Variants in MAF observed in about 807,000 individuals in gnomAD.
MAF encodes transcription factor Maf.
MAF carries 10 observed loss-of-function variants against 22.0 expected under a neutral mutation model. The observed-to-expected ratio is 0.45, with a 90% CI of 0.28 to 0.77. The LOEUF is 0.77. Among genes scored for constraint, MAF ranks in the 30% least tolerant of loss-of-function variants. The pLI, the probability that MAF is intolerant of heterozygous loss-of-function variation, is 0.12. For synonymous variants in MAF, 337 were observed against 255.8 expected, an observed-to-expected ratio of 1.32 and a Z score of -3.03; for missense variants, 544 against 548.4, an observed-to-expected ratio of 0.99 and a Z score of 0.08.
At chr16:79,537,608 T>C in the MAF span, among the ~76,000 whole-genome samples, 1 of 152,120 alleles carries the variant, frequency 6.6e-6, no homozygotes, top group Admixed American at 6.6e-5. Context: ...CTTTACCCCA[T>C]CAGTCTTTTT....
downstream of MAF, among the ~76,000 whole-genome samples, chr16:79,582,377 T>C (rs1422581226): frequency 1.3e-5 from 2 of 152,252 alleles, no homozygotes; most frequent in Admixed American, 1.3e-4. Flanking sequence ...TAATGAGTGC[T>C]GCACTTTTGC....
At chr16:79,530,177 AG>A in the MAF span, among the ~76,000 whole-genome samples, 5 of 152,188 alleles carry the variant, frequency 3.3e-5, no homozygotes, top group Non-Finnish European at 5.9e-5. Flanking sequence ...ATTTATTTTA[AG>A]GTCCTGTTTA....
At chr16:79,521,681 C>T in the MAF span, among the ~76,000 whole-genome samples, 4 of 152,164 alleles carry the variant, frequency 2.6e-5, no homozygotes, top group East Asian at 1.9e-4. Flanking sequence ...AGTGCAAGAA[C>T]CTCCCACTTG....
chr16:79,468,450 G>A, the MAF span, among the ~76,000 whole-genome samples: 6 of 152,228 alleles, frequency 3.9e-5, no homozygotes, highest in Non-Finnish European at 5.9e-5. Context: ...AGCCAAGTCC[G>A]TGGAGGGTGG....
At chr16:79,595,143 A>G (rs2143764773) in intron 1 of MAF, 2 of 1,041,244 alleles carry the variant, frequency 1.9e-6, no homozygotes, top group East Asian at 5.7e-5. Flanking sequence ...AAAAAAAGGA[A>G]AGAAATATCT....
the MAF span, among the ~76,000 whole-genome samples, chr16:79,466,741 C>G: frequency 6.6e-6 from 1 of 152,228 alleles, no homozygotes; most frequent in Non-Finnish European, 1.5e-5. Flanking sequence ...AGAAGACCAC[C>G]TAATGTGGTA....
the MAF span, among the ~76,000 whole-genome samples, chr16:79,552,547 T>G: frequency 2.0e-5 from 3 of 152,182 alleles, no homozygotes; most frequent in Non-Finnish European, 4.4e-5. Context: ...CTAAGAGAAT[T>G]CTTTATCTTT....
the MAF span, among the ~76,000 whole-genome samples, chr16:79,362,661 G>C: frequency 2.6e-5 from 4 of 152,200 alleles, no homozygotes; most frequent in African/African-American, 9.6e-5. Context: ...AGTCAAGTTA[G>C]ATCTAATAAG....
chr16:79,543,813 A>G, the MAF span, among the ~76,000 whole-genome samples: 3 of 151,226 alleles, frequency 2.0e-5, no homozygotes, highest in South Asian at 4.2e-4. Flanking sequence ...CAGCCTGCCC[A>G]GTAGCTGGGA....
At chr16:79,380,078 C>T in the MAF span, among the ~76,000 whole-genome samples, 1 of 152,182 alleles carries the variant, frequency 6.6e-6, no homozygotes, top group African/African-American at 2.4e-5. Flanking sequence ...CCTCAGTGTG[C>T]ACAGTACTGC....
At chr16:79,212,938 T>G in the MAF span, 1 of 152,236 alleles carries the variant, frequency 6.6e-6, no homozygotes, top group Non-Finnish European at 1.5e-5. Context: ...GACTATTGTT[T>G]CATTTCACCT....
At chr16:79,463,712 T>C in the MAF span, among the ~76,000 whole-genome samples, 12 of 152,124 alleles carry the variant, frequency 7.9e-5, no homozygotes, top group African/African-American at 2.7e-4. Context: ...GGTAAATTTC[T>C]CAAAAACTTT....
the MAF span, among the ~76,000 whole-genome samples, chr16:79,351,594 A>G: frequency 6.6e-6 from 1 of 152,116 alleles, no homozygotes; most frequent in South Asian, 2.1e-4. Context: ...CAGAGCCCAG[A>G]GACCTCTGAA....
At chr16:79,223,026 A>G in the MAF span, among the ~76,000 whole-genome samples, 1 of 152,342 alleles carries the variant, frequency 6.6e-6, no homozygotes, top group African/African-American at 2.4e-5. Flanking sequence ...GATCTAATAG[A>G]CATTTACAGA....
At chr16:79,421,596 G>A in the MAF span, among the ~76,000 whole-genome samples, 1 of 151,874 alleles carries the variant, frequency 6.6e-6, no homozygotes, top group Non-Finnish European at 1.5e-5. Context: ...TCTAAACCAG[G>A]CCGGAGAAAA....
At chr16:79,408,078 C>CAAAAAAAA in the MAF span, among the ~76,000 whole-genome samples, 103 of 81,530 alleles carry the variant, frequency 1.3e-3, 7 homozygotes, top group African/African-American at 4.5e-3. Flanking sequence ...TTTTACCTTT[C>CAAAAAAAA]AAAAAAAAAA....
At chr16:79,289,280 C>A in the MAF span, among the ~76,000 whole-genome samples, 1 of 151,810 alleles carries the variant, frequency 6.6e-6, no homozygotes, top group Non-Finnish European at 1.5e-5. Flanking sequence ...AAGACTGGGG[C>A]AGGCAAGAGC....
the MAF span, among the ~76,000 whole-genome samples, chr16:79,286,470 G>C: frequency 3.3e-5 from 5 of 152,188 alleles, no homozygotes; most frequent in Non-Finnish European, 7.3e-5. Flanking sequence ...GTGGGTTCTT[G>C]ATACATTTGG....
chr16:79,522,371 C>T, the MAF span, among the ~76,000 whole-genome samples: 1 of 152,180 alleles, frequency 6.6e-6, no homozygotes, highest in Admixed American at 6.5e-5. Context: ...CAAATGGTGG[C>T]CTGTACCTTC....
Sources: allele counts gnomAD v4.1 joint callset (sites outside exome capture counted in the v4.1 genomes callset), GRCh38; gene constraint gnomAD v4.1.1; transcripts MANE v1.5; gene names NCBI Gene and HGNC (gene_info 2026-07-23, HGNC 2026-07-21).